ANO10: variants seen among roughly 807,000 people sequenced by gnomAD.
ANO10 encodes the protein anoctamin 10, also known as anoctamin-10.
Under a neutral mutation model 74.7 loss-of-function variants are expected in ANO10, and 77 were observed. The ratio of observed to expected loss-of-function variants is 1.03; its 90% CI spans 0.86 to 1.25. The LOEUF is 1.25. ANO10 is among the 50% of genes most tolerant of loss of function. The pLI is 0.00. For synonymous variants in ANO10, 279 were observed against 284.9 expected (o/e 0.98, Z 0.21); for missense variants, 721 against 778.1 (o/e 0.93, Z 0.87).
intron 11 of ANO10, among the ~76,000 whole-genome samples, chr3:43,516,914 T>G (rs935472685): frequency 2.0e-5 from 3 of 152,166 alleles, no homozygotes; most frequent in Admixed American, 6.5e-5. Flanking sequence ...CATGCCTTCT[T>G]CTGAATGGCT....
chr3:43,503,999 C>T (rs1417306905), intron 11 of ANO10, among the ~76,000 whole-genome samples: 1 of 151,892 alleles, frequency 6.6e-6, no homozygotes, highest in East Asian at 1.9e-4. Flanking sequence ...TGTGGTGGCT[C>T]ACACCTATAA....
intron 1 of ANO10, among the ~76,000 whole-genome samples, chr3:43,617,602 A>G (rs2083182939): frequency 6.6e-6 from 1 of 151,836 alleles, no homozygotes; most frequent in African/African-American, 2.4e-5. Flanking sequence ...GTAGAGAAAC[A>G]CACTGTGAGT....
At chr3:43,668,861 C>T (rs1330483781) in intron 1 of ANO10, among the ~76,000 whole-genome samples, 1 of 151,980 alleles carries the variant, frequency 6.6e-6, no homozygotes, top group Non-Finnish European at 1.5e-5. Flanking sequence ...TTCTTTGTTC[C>T]TGTTTTTATA....
intron 12 of ANO10, among the ~76,000 whole-genome samples, chr3:43,410,612 A>T (rs2092649485): frequency 6.6e-6 from 1 of 152,190 alleles, no homozygotes; most frequent in South Asian, 2.1e-4. Flanking sequence ...ACAATAAGAC[A>T]TTCCAAGTCT....
chr3:43,580,107 T>C (rs1191096897), intron 5 of ANO10, among the ~76,000 whole-genome samples: 7 of 144,576 alleles, frequency 4.8e-5, no homozygotes, highest in African/African-American at 1.0e-4. Flanking sequence ...ATCATCCCAC[T>C]GCACTCCAGC....
At chr3:43,560,328 A>C (rs2079968312) in intron 9 of ANO10, among the ~76,000 whole-genome samples, 1 of 152,196 alleles carries the variant, frequency 6.6e-6, no homozygotes. Flanking sequence ...GCAAAAAATA[A>C]GGCAGAAGTG....
Position 43,467,580 on chromosome 3 carries a change from G to A in ANO10, c.1798-34853C>T, listed in dbSNP as rs534937890. On this transcript the variant is annotated intron_variant, in intron 11 of 12. Transcript: ENST00000292246. ...CAAGAAAGCACTTCAGTGACAGCCT[G>A]TGCTGGGGAGTAGAAGGGACTGATT... is the stretch of plus-strand genomic sequence containing the variant. 5.9e-5 allele frequency among the ~76,000 whole-genome samples: 9 copies of A among 152,332 alleles called. No homozygotes were observed. The South Asian group carries it at 1.0e-3, about 18-fold the overall frequency.
At chr3:43,528,101 G>A (rs1476346284) in intron 11 of ANO10, among the ~76,000 whole-genome samples, 1 of 151,700 alleles carries the variant, frequency 6.6e-6, no homozygotes, top group Admixed American at 6.6e-5. Flanking sequence ...CAGCAGAAAA[G>A]AGTGCTCTCA....
intron 4 of ANO10, among the ~76,000 whole-genome samples, chr3:43,592,187 C>T (rs1347285138): frequency 6.6e-6 from 1 of 152,214 alleles, no homozygotes; most frequent in South Asian, 2.1e-4. Flanking sequence ...CATAGCTGAA[C>T]AAAAGGCAGC....
intron 1 of ANO10, chr3:43,636,353 C>T (rs1421013093): frequency 6.6e-6 from 1 of 152,256 alleles, no homozygotes; most frequent in African/African-American, 2.4e-5. Context: ...AGCAAGGACT[C>T]CTGCCACCAG....
intron 8 of ANO10, among the ~76,000 whole-genome samples, chr3:43,565,390 C>T (rs1215293776): frequency 6.6e-6 from 1 of 152,146 alleles, no homozygotes; most frequent in Non-Finnish European, 1.5e-5. Flanking sequence ...GTTAGAGTTG[C>T]TTACAAGCTT....
chr3:43,526,216 A>G (rs1008824785), intron 11 of ANO10, among the ~76,000 whole-genome samples: 6 of 152,222 alleles, frequency 3.9e-5, no homozygotes, highest in African/African-American at 1.4e-4. Context: ...TTTCAGAATT[A>G]GCAACATGTT....
intron 11 of ANO10, among the ~76,000 whole-genome samples, chr3:43,462,136 TGAGA>T (rs1411449167): frequency 6.6e-6 from 1 of 152,106 alleles, no homozygotes; most frequent in African/African-American, 2.4e-5. Context: ...ACTTTGAGCT[TGAGA>T]GAGTTGATTT....
chr3:43,624,381 CT>C (rs1339808094), upstream of ANO10, among the ~76,000 whole-genome samples: 3 of 152,132 alleles, frequency 2.0e-5, no homozygotes, highest in African/African-American at 7.2e-5. Flanking sequence ...GGGGTGGGGC[CT>C]GGTGCAAGGT....
intron 4 of ANO10, among the ~76,000 whole-genome samples, chr3:43,589,458 G>C (rs1387096249): frequency 6.6e-6 from 1 of 152,060 alleles, no homozygotes; most frequent in Non-Finnish European, 1.5e-5. Flanking sequence ...AGGCTGAGGC[G>C]GGTGGATCAT....
At chr3:43,432,856 A>C in intron 11 of ANO10, 129 bp from the exon 12 acceptor site, 1 of 695,542 alleles carries the variant, frequency 1.4e-6, no homozygotes, top group Non-Finnish European at 2.5e-6. Flanking sequence ...TGGCCTGTGA[A>C]GTATCAAAGA....
rs2077657051 is a variant in ANO10 at position 43,515,151 on chromosome 3, AT to A, written c.1797+34568del. Among the ~76,000 whole-genome samples, 3 of 152,356 alleles carry A rather than the reference AT, an allele frequency of 2.0e-5. No homozygotes were observed. The South Asian group carries it at 6.2e-4, about 32-fold the overall frequency. On this transcript the variant is annotated intron_variant, in intron 11 of 12. Transcript: ENST00000292246. The stretch of plus-strand genomic sequence containing the variant: ...AGAAGATCTATAAATGTGATGGTTA[AT>A]TTTACATGTCAACTTGACTGAGCCA...
intron 1 of ANO10, among the ~76,000 whole-genome samples, chr3:43,642,916 C>T (rs1440765854): frequency 6.6e-6 from 1 of 151,902 alleles, no homozygotes; most frequent in Non-Finnish European, 1.5e-5. Context: ...TTTACAGCCT[C>T]TCTTGTTGGT....
intron 4 of ANO10, among the ~76,000 whole-genome samples, chr3:43,586,492 T>C (rs560420032): frequency 6.6e-6 from 1 of 152,002 alleles, no homozygotes; most frequent in Non-Finnish European, 1.5e-5. Context: ...ACACACACTT[T>C]CTTCTAAAAA....
Sources: gnomAD v4.1 joint callset for allele counts (sites outside exome capture counted in the v4.1 genomes callset) on GRCh38, gnomAD v4.1.1 for gene constraint, MANE v1.5 for transcripts, NCBI Gene and HGNC (gene_info 2026-07-23, HGNC 2026-07-21) for gene names.